The following FAM107A variants were observed in gnomAD, a reference collection of about 807,000 sequenced individuals.
The protein encoded by FAM107A is family with sequence similarity 107 member A.
FAM107A carries 19 observed loss-of-function variants against 13.7 expected under a neutral mutation model. The ratio of observed to expected loss-of-function variants is 1.38; its 90% CI spans 0.97 to 2.03. The LOEUF is 2.03. FAM107A is among the 30% of genes most tolerant of loss of function. The pLI is 0.00. For missense variants in FAM107A, 203 were observed against 184.4 expected (o/e 1.10, Z -0.58); for synonymous variants, 82 against 74.5 (o/e 1.10, Z -0.52).
rs370930874 is a variant in FAM107A at position 58,567,409 on chromosome 3, G to A, written c.171-45C>T. The A allele has an allele frequency of 6.4e-6, 10 of 1,567,346 alleles. No homozygotes were observed. In the East Asian group the frequency reaches 7.0e-5, roughly 11 times the overall value. Reference sequence around the variant, plus strand: ...GCTGTCAGGAGACCATCACCTTCCCGCTTCCCCCAGCCTCAGGGCTGCTTC... The same window carrying A: ...GCTGTCAGGAGACCATCACCTTCCCACTTCCCCCAGCCTCAGGGCTGCTTC... On this transcript the variant is annotated intron_variant, in intron 2 of 3. Transcript: ENST00000360997.
chr3:58,610,323 T>A (rs1018558771), intron 1 of FAM107A, among the ~76,000 whole-genome samples: 3 of 152,224 alleles, frequency 2.0e-5, no homozygotes, highest in Admixed American at 2.0e-4. Context: ...GCATCCCAGG[T>A]TTGTCTCATG....
intron 1 of FAM107A, among the ~76,000 whole-genome samples, chr3:58,596,063 T>C (rs1575449872): frequency 6.6e-6 from 1 of 152,230 alleles, no homozygotes; most frequent in Non-Finnish European, 1.5e-5. Flanking sequence ...TATGCCCCAA[T>C]ACAACTGGGC....
exon 1 of FAM107A, chr3:58,586,945 G>T (rs763831372): frequency 1.3e-6 from 2 of 1,524,980 alleles, no homozygotes; most frequent in Non-Finnish European, 1.7e-6. Flanking sequence ...ATGCCCCCGC[G>T]CCTCCTACTG....
chr3:58,591,888 T>G (rs2065657205), upstream of FAM107A, among the ~76,000 whole-genome samples: 1 of 152,150 alleles, frequency 6.6e-6, no homozygotes, highest in Admixed American at 6.5e-5. The surrounding 1 kb of genome is among the most constrained non-coding windows in gnomAD (Gnocchi z 4.3). Flanking sequence ...AGGGAATGAA[T>G]GAATCAGTGA....
chr3:58,591,782 C>T (rs2065656570), upstream of FAM107A, among the ~76,000 whole-genome samples: 1 of 152,202 alleles, frequency 6.6e-6, no homozygotes, highest in South Asian at 2.1e-4. This position sits in a 1 kb window ranked among gnomAD's most constrained non-coding sequence, Gnocchi z 4.3. Flanking sequence ...CCATACTGTA[C>T]TCGCCTTGAA....
At chr3:58,594,350 C>T (rs2065680950) in intron 1 of FAM107A, among the ~76,000 whole-genome samples, 1 of 152,138 alleles carries the variant, frequency 6.6e-6, no homozygotes, top group Non-Finnish European at 1.5e-5. Context: ...TGAAAGATTG[C>T]TTGTAGGCAC....
At chr3:58,570,473 C>T in intron 1 of FAM107A, 2 of 583,172 alleles carry the variant, frequency 3.4e-6, no homozygotes, top group Non-Finnish European at 4.3e-6. Context: ...AATGGCCCCA[C>T]TTCTACCACA....
At chr3:58,568,675 A>C (rs2063649376) in intron 2 of FAM107A, among the ~76,000 whole-genome samples, 1 of 152,214 alleles carries the variant, frequency 6.6e-6, no homozygotes, top group Non-Finnish European at 1.5e-5. Flanking sequence ...TCAGTGTACA[A>C]AATGATAACT....
chr3:58,611,130 T>C (rs142865051), intron 1 of FAM107A, among the ~76,000 whole-genome samples: 68 of 152,374 alleles, frequency 4.5e-4, no homozygotes, highest in African/African-American at 1.5e-3. Flanking sequence ...CTGCCATGAC[T>C]GTAAGTTTCC....
At chr3:58,601,025 G>A (rs943772924) in intron 1 of FAM107A, among the ~76,000 whole-genome samples, 2 of 151,992 alleles carry the variant, frequency 1.3e-5, no homozygotes, top group Non-Finnish European at 2.9e-5. Flanking sequence ...TCAAAATAGC[G>A]CTCGTTTTAA....
At chr3:58,571,968 G>A (rs2063688336) in intron 1 of FAM107A, among the ~76,000 whole-genome samples, 1 of 152,120 alleles carries the variant, frequency 6.6e-6, no homozygotes, top group African/African-American at 2.4e-5. Flanking sequence ...GAATAAGTTG[G>A]ATAACTTTAG....
intron 1 of FAM107A, among the ~76,000 whole-genome samples, chr3:58,601,458 C>A (rs115601953): frequency 6.6e-6 from 1 of 152,204 alleles, no homozygotes; most frequent in Non-Finnish European, 1.5e-5. Context: ...TGTTTACACA[C>A]GTGCACATTC....
upstream of FAM107A, among the ~76,000 whole-genome samples, chr3:58,590,169 C>T (rs2065644122): frequency 6.6e-6 from 1 of 152,224 alleles, no homozygotes; most frequent in African/African-American, 2.4e-5. Flanking sequence ...GTCTAATAGG[C>T]ACCTGAAACT....
chr3:58,586,111 A>C (rs1270057866), intron 1 of FAM107A, among the ~76,000 whole-genome samples: 2 of 149,348 alleles, frequency 1.3e-5, no homozygotes, highest in African/African-American at 5.0e-5. Context: ...GTCATGCCTC[A>C]CTGGACAGCA....
At chr3:58,599,696 ATT>A (rs57244654) in intron 1 of FAM107A, among the ~76,000 whole-genome samples, 5 of 78,582 alleles carry the variant, frequency 6.4e-5, no homozygotes, top group Admixed American at 1.3e-4. Flanking sequence ...CAAGTGCACC[ATT>A]TTTTTTTTTT....
At chr3:58,571,081 A>T (rs1464725027) in intron 1 of FAM107A, among the ~76,000 whole-genome samples, 1 of 152,182 alleles carries the variant, frequency 6.6e-6, no homozygotes, top group East Asian at 1.9e-4. Context: ...ATGAACAGGG[A>T]TGTGTGAAAA....
intron 1 of FAM107A, among the ~76,000 whole-genome samples, chr3:58,572,535 T>C (rs1231279514): frequency 6.6e-6 from 1 of 151,988 alleles, no homozygotes; most frequent in Non-Finnish European, 1.5e-5. Context: ...AAAGACATAG[T>C]GTGCTGGGAG....
chr3:58,588,315 C>A (rs985419308), upstream of FAM107A, among the ~76,000 whole-genome samples: 22 of 152,250 alleles, frequency 1.4e-4, no homozygotes, highest in African/African-American at 5.1e-4. Flanking sequence ...CCTCCCTTTG[C>A]GGCCTGTTAC....
chr3:58,569,918 GC>G lies in FAM107A; in HGVS notation c.-5-54del. On this transcript the variant is annotated intron_variant, in intron 1 of 3. Coordinates refer to ENST00000360997, the MANE Select transcript of FAM107A (RefSeq NM_001076778.3). The surrounding 1 kb of genome is among the most constrained non-coding windows in gnomAD (Gnocchi z 5.7). ...AGAGCTGAGCCTATAATCTCACCCT[GC>G]CCCATGGGACACAGTTGAAGGGCAA... 6.4e-7 allele frequency: 1 copy of G among 1,554,180 alleles called. No homozygotes were observed. The highest frequency in any genetic ancestry group is 2.3e-5 in the East Asian group (1 of 43,582).
Sources: allele counts gnomAD v4.1 joint callset (sites outside exome capture counted in the v4.1 genomes callset), GRCh38; gene constraint gnomAD v4.1.1; non-coding constraint Gnocchi (gnomAD v3.1); transcripts MANE v1.5; gene names NCBI Gene and HGNC (gene_info 2026-07-23, HGNC 2026-07-21).